The following CCDC66 variants were observed in gnomAD, a reference collection of about 807,000 sequenced individuals.
The protein encoded by CCDC66 is coiled-coil domain containing 66.
In CCDC66, 133 loss-of-function variants were observed where a neutral mutation model predicts 128.3. The observed-to-expected ratio is 1.04, with a 90% CI of 0.90 to 1.20. The LOEUF is 1.20. CCDC66 is among the 50% of genes most tolerant of loss of function. The pLI is 0.00. For synonymous variants in CCDC66, 387 were observed against 357.0 expected (o/e 1.08, Z -0.95); for missense variants, 1,126 against 1,075.5 (o/e 1.05, Z -0.66).
intron 4 of CCDC66, 37 bp from the exon 5 acceptor site, chr3:56,566,557 T>G (rs2065889360): frequency 1.5e-6 from 2 of 1,312,398 alleles, no homozygotes; most frequent in Non-Finnish European, 2.2e-6. Context: ...CAGATGTAAT[T>G]TAGTGTTAAT....
chr3:56,611,405 C>G (rs2074783440), intron 10 of CCDC66, among the ~76,000 whole-genome samples: 1 of 151,638 alleles, frequency 6.6e-6, no homozygotes, highest in African/African-American at 2.4e-5. Flanking sequence ...AAGGGCCAGT[C>G]TCACTGTGTC....
chr3:56,593,239 T>A, intron 8 of CCDC66, 138 bp downstream of exon 8: 1 of 810,806 alleles, frequency 1.2e-6, no homozygotes, highest in East Asian at 2.7e-5. Flanking sequence ...TGAACCTGTT[T>A]CATTGAATGC....
At chr3:56,580,502 C>T (rs1036149634) in intron 7 of CCDC66, among the ~76,000 whole-genome samples, 13 of 151,760 alleles carry the variant, frequency 8.6e-5, no homozygotes, top group African/African-American at 2.7e-4. Flanking sequence ...TTCTTCCTAG[C>T]CTCGATGGTC....
intron 10 of CCDC66, among the ~76,000 whole-genome samples, chr3:56,605,731 G>C (rs889660760): frequency 6.6e-6 from 1 of 152,154 alleles, no homozygotes; most frequent in Admixed American, 6.5e-5. Flanking sequence ...GTGTCTCCTA[G>C]TCAGGATACA....
At chr3:56,591,234 T>C (rs1304433435) in intron 7 of CCDC66, among the ~76,000 whole-genome samples, 1 of 152,254 alleles carries the variant, frequency 6.6e-6, no homozygotes, top group Non-Finnish European at 1.5e-5. Context: ...GAGATCTAAT[T>C]GTTCAGTTAT....
In CCDC66 at chr3:56,619,815, G is replaced by T. The variant is rs762582976; in HGVS notation, c.2674G>T (p.Val892Phe). Residue 892 changes from valine to phenylalanine, a missense_variant, in exon 17 of 18, where the codon GTC (valine) becomes TTC (phenylalanine). By Grantham distance (50) the Val-to-Phe change is conservative (BLOSUM62 -1). Transcript: ENST00000394672. ...ACGACAGCTATTTGATTCTGACTGTGTCAGGGATCCACTTCTTAATCCTAA... is the reference window on the plus strand; with the variant it reads ...ACGACAGCTATTTGATTCTGACTGTTTCAGGGATCCACTTCTTAATCCTAA... ...QKRQLFDSDC[V>F]RDPLLNPNMV... 2 of 1,614,126 alleles carry T rather than the reference G, an allele frequency of 1.2e-6. No individual in the cohort carries two copies. Among genetic ancestry groups the T allele is most frequent in the African/African-American group, 2.7e-5 (2 of 75,032 alleles).
At chr3:56,582,355 C>G (rs992434929) in intron 7 of CCDC66, among the ~76,000 whole-genome samples, 1 of 151,808 alleles carries the variant, frequency 6.6e-6, no homozygotes, top group Non-Finnish European at 1.5e-5. Flanking sequence ...CGACCCCTTG[C>G]ACTTCCAGGG....
chr3:56,572,412 C>G, intron 7 of CCDC66: 2 of 1,287,938 alleles, frequency 1.6e-6, no homozygotes, highest in South Asian at 1.2e-5. Flanking sequence ...CAACTTAGAG[C>G]TAGTCAGACT....
intron 7 of CCDC66, among the ~76,000 whole-genome samples, chr3:56,578,405 C>T (rs10780038): frequency 0.96 from 145,691 of 151,752 alleles, 70,241 homozygotes; most frequent in East Asian, 1. Context: ...TTTATTTCTT[C>T]CTCATACCTG....
chr3:56,615,284 A>C lies in CCDC66; in HGVS notation c.1711+12A>C, dbSNP rs1403311916. On this transcript the variant is annotated intron_variant, in intron 12 of 17. Coordinates refer to ENST00000394672, the MANE Select transcript of CCDC66 (RefSeq NM_001141947.3). ...TAAAAATCTTGGTGGTAAGGGCCTA[A>C]CCAGAACTTTATTTATAATATTTTT... The C allele has an allele frequency of 6.3e-7, 1 of 1,589,148 alleles. No individual in the cohort carries two copies. Among genetic ancestry groups the C allele is most frequent in the East Asian group, 2.2e-5 (1 of 44,666 alleles).
At chr3:56,588,595 TA>T (rs1425032766) in intron 7 of CCDC66, among the ~76,000 whole-genome samples, 1 of 152,222 alleles carries the variant, frequency 6.6e-6, no homozygotes, top group Non-Finnish European at 1.5e-5. Context: ...GGGGTGATGT[TA>T]AACTATGAGA....
At chr3:56,560,273 C>T (rs2064918294) in intron 3 of CCDC66, among the ~76,000 whole-genome samples, 1 of 152,170 alleles carries the variant, frequency 6.6e-6, no homozygotes, top group African/African-American at 2.4e-5. Flanking sequence ...ACTCTTGTCA[C>T]CCAGGTTGGA....
chr3:56,618,447 A>AGACTT (rs750649824), intron 15 of CCDC66: 545 of 444,232 alleles, frequency 1.2e-3, no homozygotes, highest in Non-Finnish European at 1.4e-3. Context: ...TTTTATCTCT[A>AGACTT]GACTTAACTA....
chr3:56,603,198 A>G (rs1030665538), intron 10 of CCDC66, among the ~76,000 whole-genome samples: 12 of 151,448 alleles, frequency 7.9e-5, no homozygotes, highest in African/African-American at 2.9e-4. Context: ...TAGTCTGGCT[A>G]GTGGTCTGTC....
intron 8 of CCDC66, among the ~76,000 whole-genome samples, 192 bp from the exon 9 acceptor site, chr3:56,593,299 T>A (rs533627854): frequency 6.6e-6 from 1 of 152,370 alleles, no homozygotes; most frequent in East Asian, 1.9e-4. Context: ...ATTTCCTAAT[T>A]CTTTGAATTT....
intron 7 of CCDC66, among the ~76,000 whole-genome samples, chr3:56,589,254 G>A (rs1263094564): frequency 6.6e-6 from 1 of 152,122 alleles, no homozygotes; most frequent in African/African-American, 2.4e-5. Flanking sequence ...ACAAGAAGCA[G>A]TAAATCAGAA....
chr3:56,609,066 A>G (rs1439892224), intron 10 of CCDC66, among the ~76,000 whole-genome samples: 3 of 152,172 alleles, frequency 2.0e-5, no homozygotes, highest in Admixed American at 1.3e-4. Flanking sequence ...GCTTTTGAAT[A>G]GAATGTGTAT....
At chr3:56,572,757 C>A in intron 7 of CCDC66, 1 of 157,864 alleles carries the variant, frequency 6.3e-6, no homozygotes, top group South Asian at 1.8e-4. Flanking sequence ...GCTGTCTGTT[C>A]TGCTTCATGT....
chr3:56,606,075 G>T (rs2074029716), intron 10 of CCDC66, among the ~76,000 whole-genome samples: 1 of 152,018 alleles, frequency 6.6e-6, no homozygotes, highest in South Asian at 2.1e-4. Context: ...ACACTATGAG[G>T]GTAGAACCAC....
Sources: allele counts gnomAD v4.1 joint callset (sites outside exome capture counted in the v4.1 genomes callset), GRCh38; gene constraint gnomAD v4.1.1; transcripts MANE v1.5; gene names NCBI Gene and HGNC (gene_info 2026-07-23, HGNC 2026-07-21).